The following CNTNAP5 variants were observed in gnomAD, a reference collection of about 807,000 sequenced individuals.
CNTNAP5 encodes contactin associated protein family member 5.
In CNTNAP5, 72 loss-of-function variants were observed where a neutral mutation model predicts 150.2. The ratio of observed to expected loss-of-function variants is 0.48; its 90% CI spans 0.40 to 0.58. The LOEUF is 0.58. CNTNAP5 is among the 20% of genes least tolerant of loss of function. The pLI, the probability that CNTNAP5 is intolerant of heterozygous loss-of-function variation, is 0.00. For synonymous variants in CNTNAP5, 672 were observed against 619.8 expected, an observed-to-expected ratio of 1.08 and a Z score of -1.25; for missense variants, 1,636 against 1,626.2, an observed-to-expected ratio of 1.01 and a Z score of -0.10.
intron 13 of CNTNAP5, among the ~76,000 whole-genome samples, chr2:124,716,835 G>T (rs533555468): frequency 2.0e-5 from 3 of 152,208 alleles, no homozygotes; most frequent in African/African-American, 4.8e-5. Flanking sequence ...TGTTCCCTTT[G>T]CAGTTTCCAA....
In CNTNAP5 at chr2:124,338,071, AG is replaced by A. The variant is rs570581908; in HGVS notation, c.382-79370del. Among the ~76,000 whole-genome samples, 786 of 152,192 alleles carry A rather than the reference AG, an allele frequency of 5.2e-3. 12 individuals carry two copies. The highest frequency in any genetic ancestry group is 0.018 in the African/African-American group (756 of 41,518). ...CAGTGGTTTGTAGTTCTCCTTGAAG[AG>A]GTCCTTCACATCCCTTGTAAGTTGG... On this transcript the variant is annotated intron_variant, in intron 3 of 23. Transcript: ENST00000682447.
intron 21 of CNTNAP5, among the ~76,000 whole-genome samples, chr2:124,897,936 AGTGTGTGTGTGTGTGT>A (rs56154943): frequency 3.0e-4 from 42 of 142,112 alleles, no homozygotes; most frequent in African/African-American, 8.7e-4. Context: ...GCAAATGCCA[AGTGTGTGTGTGTGTGT>A]GTGTGTGTGT....
chr2:124,284,615 A>ATTAAAT (rs1431774851), intron 3 of CNTNAP5, among the ~76,000 whole-genome samples: 1 of 152,148 alleles, frequency 6.6e-6, no homozygotes, highest in East Asian at 1.9e-4. Context: ...GGAACTTAAG[A>ATTAAAT]TTAAATTAAA....
intron 1 of CNTNAP5, among the ~76,000 whole-genome samples, chr2:124,105,237 A>G (rs1050137533): frequency 3.3e-5 from 5 of 152,178 alleles, no homozygotes; most frequent in Admixed American, 6.5e-5. Context: ...TCTTCAGCCA[A>G]TCTTCCACTA....
At position 124,904,585 on chromosome 2, in the gene CNTNAP5, T is replaced by C. The variant is rs570682499; in HGVS notation, c.3655+1485T>C. ...CAGAAATAAACCCAGGCTTATTTAA[T>C]CAACTAATCTTTGGCAAAATTTCCA... On this transcript the variant is annotated intron_variant, in intron 22 of 23. Coordinates refer to ENST00000682447, the MANE Select transcript of CNTNAP5 (RefSeq NM_001367498.1). 1.4e-4 allele frequency among the ~76,000 whole-genome samples: 21 copies of C among 152,262 alleles called. No individual in the cohort carries two copies. In the East Asian group the frequency reaches 4.1e-3, roughly 29 times the overall value.
At chr2:124,637,786 G>A (rs1376004495) in intron 12 of CNTNAP5, among the ~76,000 whole-genome samples, 2 of 151,988 alleles carry the variant, frequency 1.3e-5, no homozygotes, top group African/African-American at 4.8e-5. Context: ...CTCCCCTTGT[G>A]TCGTTATGGA....
intron 1 of CNTNAP5, among the ~76,000 whole-genome samples, chr2:124,215,570 A>G (rs1433514925): frequency 6.6e-6 from 1 of 152,144 alleles, no homozygotes; most frequent in African/African-American, 2.4e-5. Flanking sequence ...GTCCATGCAA[A>G]TATTAATAAG....
intron 1 of CNTNAP5, among the ~76,000 whole-genome samples, chr2:124,208,600 C>A (rs1685924797): frequency 6.6e-6 from 1 of 152,132 alleles, no homozygotes; most frequent in African/African-American, 2.4e-5. Context: ...AAAGCAGAGA[C>A]ATCCATCATG....
intron 4 of CNTNAP5, among the ~76,000 whole-genome samples, chr2:124,433,470 C>A (rs182294806): frequency 1.3e-5 from 2 of 152,168 alleles, no homozygotes; most frequent in East Asian, 3.9e-4. Context: ...AAAAAATTAT[C>A]ATTGTGTATG....
At chr2:124,257,738 C>G (rs948432312) in intron 3 of CNTNAP5, among the ~76,000 whole-genome samples, 3 of 152,154 alleles carry the variant, frequency 2.0e-5, no homozygotes, top group African/African-American at 7.2e-5. Flanking sequence ...CGCCCCCACC[C>G]AACATGTTGC....
intron 19 of CNTNAP5, among the ~76,000 whole-genome samples, chr2:124,825,759 C>A (rs1274463940): frequency 2.6e-5 from 4 of 152,114 alleles, no homozygotes; most frequent in Admixed American, 2.0e-4. Flanking sequence ...TTGTGGAAGA[C>A]CTGCTGCTGT....
At chr2:124,354,844 T>C (rs1372504082) in intron 3 of CNTNAP5, among the ~76,000 whole-genome samples, 1 of 152,106 alleles carries the variant, frequency 6.6e-6, no homozygotes, top group Non-Finnish European at 1.5e-5. Flanking sequence ...CCAGATTTTT[T>C]ATATGTAGAG....
At chr2:124,804,183 G>A (rs761320929) in intron 19 of CNTNAP5, among the ~76,000 whole-genome samples, 9 of 152,252 alleles carry the variant, frequency 5.9e-5, no homozygotes, top group Non-Finnish European at 1.2e-4. Context: ...ACAGTAATGA[G>A]GTTATGAGAC....
intron 3 of CNTNAP5, among the ~76,000 whole-genome samples, chr2:124,313,628 G>A (rs1688887489): frequency 1.3e-5 from 2 of 152,316 alleles, no homozygotes; most frequent in South Asian, 2.1e-4. Flanking sequence ...AGCTGTGGCT[G>A]TGTCCTCACA....
At chr2:124,579,563 C>T (rs906315842) in intron 11 of CNTNAP5, among the ~76,000 whole-genome samples, 3 of 152,172 alleles carry the variant, frequency 2.0e-5, no homozygotes, top group Admixed American at 2.0e-4. Flanking sequence ...TTATGGGGAC[C>T]CTCCAAACTC....
At chr2:124,718,998 C>T (rs1022018134) in intron 13 of CNTNAP5, among the ~76,000 whole-genome samples, 3 of 151,426 alleles carry the variant, frequency 2.0e-5, no homozygotes, top group Non-Finnish European at 2.9e-5. Context: ...ATGCCATAGA[C>T]TCATTTAAGG....
In CNTNAP5 at chr2:124,627,153, G is replaced by A. The variant is rs146844584; in HGVS notation, c.1876+17233G>A. Among the ~76,000 whole-genome samples, 366 of 152,190 alleles carry A rather than the reference G, an allele frequency of 2.4e-3. 1 individual carries two copies. Among genetic ancestry groups the A allele is most frequent in the African/African-American group, 8.5e-3 (354 of 41,534 alleles). ...AGGTTCAGCAGACTTAATCTTTCCT[G>A]CCTGCCGGCTCTGAAAAAATCAGCT... On this transcript the variant is annotated intron_variant, in intron 12 of 23. Transcript: ENST00000682447.
chr2:124,402,252 C>A (rs748130633), intron 3 of CNTNAP5, among the ~76,000 whole-genome samples: 1 of 152,054 alleles, frequency 6.6e-6, no homozygotes, highest in African/African-American at 2.4e-5. Context: ...ACTGGTGGCA[C>A]GGGAGCACAT....
At chr2:124,099,575 C>A (rs1282568533) in intron 1 of CNTNAP5, among the ~76,000 whole-genome samples, 1 of 152,122 alleles carries the variant, frequency 6.6e-6, no homozygotes, top group African/African-American at 2.4e-5. Context: ...GATTATCGAG[C>A]CGTATGTACT....
Sources: gnomAD v4.1 joint callset for allele counts (sites outside exome capture counted in the v4.1 genomes callset) on GRCh38, gnomAD v4.1.1 for gene constraint, MANE v1.5 for transcripts, NCBI Gene and HGNC (gene_info 2026-07-23, HGNC 2026-07-21) for gene names.